AKAP7: variants seen among roughly 807,000 people sequenced by gnomAD.
AKAP7 encodes the protein A-kinase anchoring protein 7.
In AKAP7, 39 loss-of-function variants were observed where a neutral mutation model predicts 39.5. The ratio of observed to expected loss-of-function variants is 0.99; its 90% CI spans 0.76 to 1.29. The LOEUF is 1.29. Among genes scored for constraint, AKAP7 ranks in the 50% most tolerant of loss-of-function variants. The pLI is 0.00. For missense variants in AKAP7, 414 were observed against 407.7 expected (o/e 1.02, Z -0.13); for synonymous variants, 140 against 139.1 (o/e 1.01, Z -0.05).
At chr6:131,253,038 T>G (rs1353431843) in intron 7 of AKAP7, 1 of 1,613,372 alleles carries the variant, frequency 6.2e-7, no homozygotes, top group Admixed American at 1.7e-5. Context: ...AAAACACAGG[T>G]GAGTTGGAAA....
intron 5 of AKAP7, among the ~76,000 whole-genome samples, chr6:131,189,025 T>G (rs1482413771): frequency 6.6e-6 from 1 of 152,244 alleles, no homozygotes; most frequent in East Asian, 1.9e-4. Context: ...ACCTTGAATG[T>G]GCCCACAACA....
At position 131,145,287 on chromosome 6, in the gene AKAP7, G is replaced by A. The variant is rs1801390484; in HGVS notation, c.22G>A (p.Gly8Arg). The A allele has an allele frequency of 1.3e-6, 2 of 1,487,646 alleles. No individual in the cohort carries two copies. The highest frequency in any genetic ancestry group is 2.1e-5 in the Admixed American group (1 of 46,982). 92.2% of individuals were successfully genotyped at this position (1,487,646 alleles called of 1,614,324 possible). A position where few individuals can be genotyped will look rare whatever the true frequency, so the allele number is the denominator to read the frequency against. ...TTTCTGTTTGTGATATGTTAAAGGA[G>A]GAATTAATTCCAATGAGTGTGAAAA... Reference protein sequence around the residue: MERPEAGGINSNECENVS... With the variant: MERPEAGRINSNECENVS... Residue 8 changes from glycine to arginine, a missense_variant and splice_region_variant, in exon 2 of 8, where the codon GGA (glycine) becomes AGA (arginine). By Grantham distance (125) the Gly-to-Arg change is moderately radical (BLOSUM62 -2). Coordinates refer to ENST00000431975, the MANE Select transcript of AKAP7 (RefSeq NM_016377.4).
chr6:131,237,541 T>A (rs1811172132), intron 7 of AKAP7, among the ~76,000 whole-genome samples: 1 of 152,096 alleles, frequency 6.6e-6, no homozygotes, highest in Non-Finnish European at 1.5e-5. Flanking sequence ...GGTCCTGGAC[T>A]TTTTTTGGTT....
chr6:131,193,526 A>G (rs1382254212), intron 5 of AKAP7, among the ~76,000 whole-genome samples: 1 of 151,722 alleles, frequency 6.6e-6, no homozygotes, highest in African/African-American at 2.4e-5. Flanking sequence ...TCTTTCTTTG[A>G]TGTGTCTTTG....
At chr6:131,154,796 A>G (rs866082888) in intron 2 of AKAP7, among the ~76,000 whole-genome samples, 18 of 152,142 alleles carry the variant, frequency 1.2e-4, no homozygotes, top group African/African-American at 4.1e-4. Flanking sequence ...TCTATGCACT[A>G]TATTTCACTG....
intron 7 of AKAP7, among the ~76,000 whole-genome samples, chr6:131,241,613 G>GTATACGTATATA (rs1444377533): frequency 4.9e-5 from 5 of 102,350 alleles, no homozygotes; most frequent in Admixed American, 3.0e-4. Context: ...GTGTGTGTGT[G>GTATACGTATATA]TGTGTGTGTG....
intron 5 of AKAP7, among the ~76,000 whole-genome samples, chr6:131,180,616 T>C (rs1434257668): frequency 6.6e-6 from 1 of 152,198 alleles, no homozygotes; most frequent in Non-Finnish European, 1.5e-5. Context: ...AAGAGTTGCC[T>C]GCATTATCTG....
upstream of AKAP7, among the ~76,000 whole-genome samples, chr6:131,135,266 A>C (rs1800431872): frequency 6.6e-6 from 1 of 152,206 alleles, no homozygotes; most frequent in Non-Finnish European, 1.5e-5. Context: ...CGCCACGGGA[A>C]ATAAATGAGG....
chr6:131,145,806 G>C (rs750297440), intron 2 of AKAP7, among the ~76,000 whole-genome samples: 2 of 152,064 alleles, frequency 1.3e-5, no homozygotes, highest in Non-Finnish European at 2.9e-5. Context: ...CTCCTGCCTT[G>C]GCCTCCAAAA....
At chr6:131,276,090 A>G (rs935591333) in intron 7 of AKAP7, among the ~76,000 whole-genome samples, 8 of 151,788 alleles carry the variant, frequency 5.3e-5, no homozygotes, top group Admixed American at 5.2e-4. Context: ...AGTCTCCAAA[A>G]CCCCTGTGGG....
intron 6 of AKAP7, among the ~76,000 whole-genome samples, chr6:131,212,549 A>T (rs933794512): frequency 6.6e-6 from 1 of 152,144 alleles, no homozygotes; most frequent in Admixed American, 6.5e-5. Flanking sequence ...TTCCTAAGTT[A>T]TAGGGGTGTC....
Position 131,165,222 on chromosome 6 carries a change from G to C in AKAP7, c.428+5G>C. ...AAATGAAGATGAAGTAAACATGTGA[G>C]TAATGTATCTTTCTTAAATATAATT... is the stretch of plus-strand genomic sequence containing the variant. On this transcript the variant is annotated splice_donor_5th_base_variant and intron_variant, in intron 4 of 7. Transcript: ENST00000431975. 6.3e-7 allele frequency: 1 copy of C among 1,590,332 alleles called. No individual in the cohort carries two copies. The highest frequency in any genetic ancestry group is 8.6e-7 in the Non-Finnish European group (1 of 1,168,154).
chr6:131,275,695 T>C (rs1342202673), intron 7 of AKAP7, among the ~76,000 whole-genome samples: 2 of 152,180 alleles, frequency 1.3e-5, no homozygotes, highest in South Asian at 2.1e-4. Flanking sequence ...TGAGGAGCCA[T>C]GTGGAGGGCA....
At chr6:131,177,486 A>T (rs1804696155) in intron 5 of AKAP7, among the ~76,000 whole-genome samples, 1 of 152,186 alleles carries the variant, frequency 6.6e-6, no homozygotes, top group Non-Finnish European at 1.5e-5. Flanking sequence ...TTAGTAACTA[A>T]TCCAGTCCCA....
intron 7 of AKAP7, among the ~76,000 whole-genome samples, chr6:131,241,609 G>GTATATATATATATA (rs1176516314): frequency 3.7e-5 from 5 of 135,444 alleles, no homozygotes; most frequent in South Asian, 2.4e-4. Flanking sequence ...GTGTGTGTGT[G>GTATATATATATATA]TGTGTGTGTG....
rs1335377116 is a variant in AKAP7, at chr6:131,196,896, A to AT, written c.590-2558dup. Among the ~76,000 whole-genome samples, 12 of 152,066 alleles carry AT rather than the reference A, an allele frequency of 7.9e-5. No individual in the cohort carries two copies. In the East Asian group the frequency reaches 2.3e-3, roughly 29 times the overall value. ...GTTATTGTGCTTATTTTATGTTTTA[A>AT]TTTTTTTATTCAAAAGTAATATATG... On this transcript the variant is annotated intron_variant, in intron 5 of 7. Transcript: ENST00000431975.
chr6:131,182,236 G>A (rs1317648898), intron 5 of AKAP7, among the ~76,000 whole-genome samples: 1 of 151,930 alleles, frequency 6.6e-6, no homozygotes, highest in Non-Finnish European at 1.5e-5. Flanking sequence ...ACATTATTGT[G>A]CAACCAATCT....
intron 1 of AKAP7, among the ~76,000 whole-genome samples, chr6:131,143,134 A>G (rs1801186214): frequency 1.3e-5 from 2 of 152,162 alleles, no homozygotes; most frequent in Admixed American, 6.5e-5. Flanking sequence ...TGGACTTTTG[A>G]GTTAATGCTG....
In AKAP7 at chr6:131,245,412, G is replaced by A. The variant is rs182984173; in HGVS notation, c.850+25604G>A. Among the ~76,000 whole-genome samples the A allele has an allele frequency of 1.2e-3, 162 of 139,846 alleles. 1 individual carries two copies. Among genetic ancestry groups the A allele is most frequent in the Middle Eastern group, 0.011 (3 of 280 alleles). 91.7% of individuals were successfully genotyped at this position (139,846 alleles called of 152,430 possible). A position where few individuals can be genotyped will look rare whatever the true frequency, so the allele number is the denominator to read the frequency against. On this transcript the variant is annotated intron_variant, in intron 7 of 7. Coordinates refer to ENST00000431975, the MANE Select transcript of AKAP7 (RefSeq NM_016377.4). ...GGCACCCACCACCACGCCCAGCTACGTTTTTTTTTTTGTTTTTTTGTTTTT... is the reference window on the plus strand; with the variant it reads ...GGCACCCACCACCACGCCCAGCTACATTTTTTTTTTTGTTTTTTTGTTTTT...
Sources: gnomAD v4.1 joint callset for allele counts (sites outside exome capture counted in the v4.1 genomes callset) on GRCh38, gnomAD v4.1.1 for gene constraint, MANE v1.5 for transcripts, NCBI Gene and HGNC (gene_info 2026-07-23, HGNC 2026-07-21) for gene names.